Variants in CFAP47 observed in about 807,000 individuals in gnomAD.
CFAP47 encodes cilia- and flagella-associated protein 47.
Under a neutral mutation model 148.1 loss-of-function variants are expected in CFAP47, and 29 were observed. The ratio of observed to expected loss-of-function variants is 0.20; its 90% CI spans 0.15 to 0.27. The LOEUF (loss-of-function observed/expected upper bound fraction) is 0.27, where lower values mean the gene tolerates loss of function less well. CFAP47 is among the 10% of genes least tolerant of loss of function. CFAP47 has a pLI of 1.00. For synonymous variants in CFAP47, 664 were observed against 577.3 expected (o/e 1.15, Z -2.15); for missense variants, 1,872 against 1,697.5 (o/e 1.10, Z -1.81).
At chrX:36,086,811 G>A (rs1938096637) in intron 30 of CFAP47, among the ~76,000 whole-genome samples, 1 of 111,173 alleles carries the variant, frequency 9.0e-6, no homozygotes, top group Non-Finnish European at 1.9e-5. Flanking sequence ...CGGCTTCTGT[G>A]TTGGGATGTT....
chrX:36,111,150 G>A (rs770615794), intron 33 of CFAP47, among the ~76,000 whole-genome samples: 2 of 111,367 alleles, frequency 1.8e-5, no homozygotes, highest in South Asian at 3.8e-4. Flanking sequence ...TGTTGAATAG[G>A]ACTAGTGAGA....
chrX:36,211,347 TC>T, intron 45 of CFAP47: 1 of 255,918 alleles, frequency 3.9e-6, no homozygotes. Context: ...TGAAAATATA[TC>T]CCTACTTAAA....
chrX:36,053,965 T>C lies in CFAP47; in HGVS notation c.4217+6902T>C, dbSNP rs1385859794. On this transcript the variant is annotated intron_variant, in intron 26 of 63. Coordinates refer to ENST00000378653, the MANE Select transcript of CFAP47 (RefSeq NM_001304548.2). ...ATGTAGTTTTTCTAATATCCTTCTT[T>C]TTCTTTTCTCTAACCCCATCCTCTT... Among the ~76,000 whole-genome samples the C allele has an allele frequency of 2.7e-5, 3 of 112,632 alleles. No homozygotes were observed. The Admixed American group carries it at 2.8e-4, about 11-fold the overall frequency.
intron 49 of CFAP47, among the ~76,000 whole-genome samples, chrX:36,273,717 T>G (rs1940984046): frequency 9.0e-6 from 1 of 111,602 alleles, no homozygotes; most frequent in Non-Finnish European, 1.9e-5. Context: ...AATATATTAT[T>G]CTCATAATCA....
chrX:36,219,612 C>T (rs1940193880), intron 45 of CFAP47, among the ~76,000 whole-genome samples: 1 of 111,774 alleles, frequency 8.9e-6, no homozygotes, highest in African/African-American at 3.3e-5. Context: ...TTAGGGCAAA[C>T]CTGCCTCTCA....
intron 36 of CFAP47, among the ~76,000 whole-genome samples, chrX:36,145,564 A>G (rs1158981443): frequency 8.9e-6 from 1 of 112,051 alleles, no homozygotes; most frequent in Non-Finnish European, 1.9e-5. Context: ...CACCACTTGC[A>G]ATGAAATGAT....
intron 60 of CFAP47, among the ~76,000 whole-genome samples, chrX:36,356,608 A>G (rs782737778): frequency 6.3e-5 from 7 of 110,812 alleles, no homozygotes; most frequent in Admixed American, 9.7e-5. Context: ...AAATCTTACC[A>G]GAAAGTCTGA....
intron 26 of CFAP47, among the ~76,000 whole-genome samples, chrX:36,049,488 T>TCTCACACA (rs751788515): frequency 4.3e-5 from 4 of 92,271 alleles, no homozygotes; most frequent in Admixed American, 1.3e-4. Flanking sequence ...TTTCTCTCTC[T>TCTCACACA]CACACACACA....
At chrX:36,054,349 T>C (rs1391546045) in intron 26 of CFAP47, among the ~76,000 whole-genome samples, 2 of 112,511 alleles carry the variant, frequency 1.8e-5, no homozygotes, top group Non-Finnish European at 3.7e-5. Context: ...GATATTTAAA[T>C]GTATGCTTTA....
Position 36,236,116 on chromosome X carries a change from A to G in CFAP47, c.7158+39A>G, listed in dbSNP as rs1555994574. On this transcript the variant is annotated intron_variant, in intron 47 of 63. Transcript: ENST00000378653. The stretch of plus-strand genomic sequence containing the variant: ...GATATTTTCCCCAGTATTAATTAAT[A>G]GTATCATTAGTTAATAAACTAATGT... 7.3e-6 allele frequency: 3 copies of G among 408,617 alleles called. No individual in the cohort carries two copies. The South Asian group carries it at 1.7e-4, about 23-fold the overall frequency. 33.7% of individuals were successfully genotyped at this position (408,617 alleles called of 1,213,427 possible).
At chrX:36,073,764 A>G (rs1397920842) in intron 29 of CFAP47, among the ~76,000 whole-genome samples, 1 of 111,168 alleles carries the variant, frequency 9.0e-6, no homozygotes, top group Non-Finnish European at 1.9e-5. Flanking sequence ...CTTTGACTTG[A>G]TTTCCTCTTT....
chrX:36,214,761 A>C (rs1005755595), intron 45 of CFAP47, among the ~76,000 whole-genome samples: 1 of 111,056 alleles, frequency 9.0e-6, no homozygotes, highest in South Asian at 3.8e-4. Context: ...CCACACTGGA[A>C]GTTCTTTAGG....
At chrX:35,963,491 T>A (rs1284409319) in intron 8 of CFAP47, among the ~76,000 whole-genome samples, 1 of 111,110 alleles carries the variant, frequency 9.0e-6, no homozygotes, top group African/African-American at 3.2e-5. Flanking sequence ...TAATTTTAAT[T>A]TCAAATTCTG....
chrX:36,233,605 T>C (rs1262788120), intron 46 of CFAP47, among the ~76,000 whole-genome samples: 1 of 111,720 alleles, frequency 9.0e-6, no homozygotes, highest in Non-Finnish European at 1.9e-5. Flanking sequence ...GAGCATTTAG[T>C]CCATTTACAT....
intron 36 of CFAP47, among the ~76,000 whole-genome samples, chrX:36,147,617 G>T (rs1406708376): frequency 9.0e-6 from 1 of 111,106 alleles, no homozygotes; most frequent in East Asian, 2.8e-4. Context: ...TATAGTGGGG[G>T]TCTTGCCCCC....
chrX:36,174,757 G>A (rs1198747139), intron 39 of CFAP47, among the ~76,000 whole-genome samples: 1 of 110,413 alleles, frequency 9.1e-6, no homozygotes, highest in Non-Finnish European at 1.9e-5. Context: ...TTCAACTTTG[G>A]TGAATCTGAC....
chrX:36,173,849 TA>T (rs1225268771), intron 39 of CFAP47, among the ~76,000 whole-genome samples: 1 of 111,790 alleles, frequency 8.9e-6, no homozygotes, highest in African/African-American at 3.3e-5. Context: ...AATTCCTAGG[TA>T]TCCTTGTTGA....
intron 48 of CFAP47, among the ~76,000 whole-genome samples, chrX:36,243,639 A>G (rs1391344820): frequency 1.9e-5 from 1 of 52,525 alleles, no homozygotes; most frequent in Non-Finnish European, 3.0e-5. Flanking sequence ...TAACTATTAT[A>G]TGTGTGTGTA....
chrX:36,162,381 C>T (rs1055677261), intron 39 of CFAP47, among the ~76,000 whole-genome samples: 1 of 110,972 alleles, frequency 9.0e-6, no homozygotes, highest in Non-Finnish European at 1.9e-5. Flanking sequence ...GAAATTTTAA[C>T]ATAATAAAAT....
Sources: gnomAD v4.1 joint callset for allele counts (sites outside exome capture counted in the v4.1 genomes callset) on GRCh38, gnomAD v4.1.1 for gene constraint, MANE v1.5 for transcripts, NCBI Gene and HGNC (gene_info 2026-07-23, HGNC 2026-07-21) for gene names.